SHISA9: variants seen among roughly 807,000 people sequenced by gnomAD.
SHISA9 encodes the protein protein shisa-9.
A neutral mutation model predicts 38.0 loss-of-function variants in SHISA9; 13 were observed. The ratio of observed to expected loss-of-function variants is 0.34; its 90% CI spans 0.22 to 0.54. The LOEUF (loss-of-function observed/expected upper bound fraction) is 0.54. Ranked by LOEUF, SHISA9 falls within the 20% of genes least tolerant of loss-of-function variation. The pLI is 0.91. For missense variants in SHISA9, 538 were observed against 575.8 expected (o/e 0.93, Z 0.67); for synonymous variants, 275 against 242.0 (o/e 1.14, Z -1.27).
intron 2 of SHISA9, among the ~76,000 whole-genome samples, chr16:13,104,801 C>A (rs1489688856): frequency 6.6e-6 from 1 of 152,142 alleles, no homozygotes; most frequent in African/African-American, 2.4e-5. Context: ...TACTAAAAAT[C>A]ACAGAATTGT....
At chr16:12,911,059 G>C (rs2071176474) in intron 1 of SHISA9, 1 of 172,404 alleles carries the variant, frequency 5.8e-6, no homozygotes, top group African/African-American at 2.4e-5. Flanking sequence ...GAAATATCTG[G>C]GCACCCTGTG....
the SHISA9 span, among the ~76,000 whole-genome samples, chr16:13,374,005 G>A: frequency 0.041 from 6,291 of 152,194 alleles, 284 homozygotes; most frequent in African/African-American, 0.11. Context: ...ATCACTTGGG[G>A]AAGAAAGGGG....
intron 2 of SHISA9, among the ~76,000 whole-genome samples, chr16:13,087,736 A>G (rs940325098): frequency 1.7e-4 from 26 of 152,346 alleles, no homozygotes; most frequent in African/African-American, 6.0e-4. Context: ...GCCCTTTGTC[A>G]GATGGGTAGA....
the SHISA9 span, among the ~76,000 whole-genome samples, chr16:13,254,781 C>G: frequency 6.6e-6 from 1 of 152,216 alleles, no homozygotes; most frequent in East Asian, 1.9e-4. Context: ...AAAGTGAAAG[C>G]ACTGGACTTC....
chr16:12,939,615 GC>G, intron 2 of SHISA9, among the ~76,000 whole-genome samples: 1 of 152,256 alleles, frequency 6.6e-6, no homozygotes, highest in Middle Eastern at 3.4e-3. Flanking sequence ...TGTCCAAGTG[GC>G]TATGTTGGGA....
At chr16:13,003,704 A>G (rs2072555212) in intron 2 of SHISA9, among the ~76,000 whole-genome samples, 1 of 152,096 alleles carries the variant, frequency 6.6e-6, no homozygotes, top group Non-Finnish European at 1.5e-5. Context: ...CTAAAAATAC[A>G]AAGATTAGCC....
intron 2 of SHISA9, among the ~76,000 whole-genome samples, chr16:12,969,017 CGTG>C (rs2072018552): frequency 6.6e-6 from 1 of 151,840 alleles, no homozygotes; most frequent in Admixed American, 6.6e-5. Context: ...ATTAGCTGAA[CGTG>C]GTGGTGCGCA....
intron 1 of SHISA9, among the ~76,000 whole-genome samples, chr16:12,916,086 TC>T (rs2071253165): frequency 7.2e-6 from 1 of 139,746 alleles, no homozygotes; most frequent in Non-Finnish European, 1.5e-5. Context: ...TGTGTCTCCA[TC>T]CCCCTGCACA....
chr16:13,080,497 T>G (rs2073636214), intron 2 of SHISA9, among the ~76,000 whole-genome samples: 1 of 151,714 alleles, frequency 6.6e-6, no homozygotes, highest in South Asian at 2.1e-4. Flanking sequence ...GGATCCTGTG[T>G]CTGCCCCTTC....
intron 2 of SHISA9, among the ~76,000 whole-genome samples, chr16:13,086,166 G>C (rs2073707983): frequency 6.6e-6 from 1 of 151,858 alleles, no homozygotes; most frequent in Non-Finnish European, 1.5e-5. Context: ...GACCATCCTG[G>C]CCAACATGAT....
intron 2 of SHISA9, among the ~76,000 whole-genome samples, chr16:13,006,341 A>C (rs919700331): frequency 6.6e-6 from 1 of 152,096 alleles, no homozygotes; most frequent in African/African-American, 2.4e-5. Context: ...GCGGGGAAAG[A>C]GTCTAGAGGG....
the SHISA9 span, among the ~76,000 whole-genome samples, chr16:13,449,886 G>A: frequency 6.6e-6 from 1 of 152,160 alleles, no homozygotes; most frequent in African/African-American, 2.4e-5. Flanking sequence ...TGAGGCTGAG[G>A]TGGGTGGATC....
At chr16:13,292,878 C>T in the SHISA9 span, among the ~76,000 whole-genome samples, 1 of 152,158 alleles carries the variant, frequency 6.6e-6, no homozygotes, top group Non-Finnish European at 1.5e-5. Context: ...TCCCAGAAGT[C>T]ATCTTTTGGA....
chr16:13,076,285 C>T (rs1421541136), intron 2 of SHISA9, among the ~76,000 whole-genome samples: 1 of 152,166 alleles, frequency 6.6e-6, no homozygotes, highest in Non-Finnish European at 1.5e-5. Context: ...CCCAACTCAG[C>T]CTCCCAAAAT....
chr16:13,180,302 ACT>A (rs1200372942), intron 2 of SHISA9, among the ~76,000 whole-genome samples: 1 of 152,120 alleles, frequency 6.6e-6, no homozygotes, highest in African/African-American at 2.4e-5. Flanking sequence ...CTGCTACATA[ACT>A]CTGTCCCCAC....
rs150023259 is a variant in SHISA9, at chr16:13,032,397, C to T, written c.691+115582C>T. ...CATAGTATTCCATGGTGTATATGTG[C>T]CACATTTTCTTTATCCAGGAACCAA... is the stretch of plus-strand genomic sequence containing the variant. On this transcript the variant is annotated intron_variant, in intron 2 of 4. Transcript: ENST00000558583. 3.4e-3 allele frequency among the ~76,000 whole-genome samples: 524 copies of T among 152,224 alleles called. 8 individuals are homozygous for T. Among genetic ancestry groups the T allele is most frequent in the African/African-American group, 0.012 (511 of 41,538 alleles).
chr16:13,246,041 G>T, the SHISA9 span, among the ~76,000 whole-genome samples: 1 of 152,258 alleles, frequency 6.6e-6, no homozygotes, highest in African/African-American at 2.4e-5. Flanking sequence ...GAAATTGTCA[G>T]ATTCTAGTTT....
chr16:12,977,301 G>A (rs574456004), intron 2 of SHISA9, among the ~76,000 whole-genome samples: 1 of 152,254 alleles, frequency 6.6e-6, no homozygotes, highest in South Asian at 2.1e-4. Context: ...TGGTGATGGG[G>A]AGAGCACAGT....
At chr16:13,190,028 T>C (rs796766734) in intron 2 of SHISA9, among the ~76,000 whole-genome samples, 6 of 151,216 alleles carry the variant, frequency 4.0e-5, no homozygotes, top group African/African-American at 1.5e-4. Flanking sequence ...CTGTTAATAG[T>C]ATCTCATTAA....
Sources: gnomAD v4.1 joint callset for allele counts (sites outside exome capture counted in the v4.1 genomes callset) on GRCh38, gnomAD v4.1.1 for gene constraint, MANE v1.5 for transcripts, NCBI Gene and HGNC (gene_info 2026-07-23, HGNC 2026-07-21) for gene names.